Variants in NRXN1 observed in about 807,000 individuals in gnomAD.
NRXN1 encodes neurexin-1.
Under a neutral mutation model 150.9 loss-of-function variants are expected in NRXN1, and 39 were observed. The ratio of observed to expected loss-of-function variants is 0.26; its 90% CI spans 0.20 to 0.34. NRXN1 has a LOEUF of 0.34. Among genes scored for constraint, NRXN1 ranks in the 10% least tolerant of loss-of-function variants. NRXN1 has a pLI of 1.00. For synonymous variants in NRXN1, 924 were observed against 757.0 expected, an observed-to-expected ratio of 1.22 and a Z score of -3.62; for missense variants, 1,815 against 1,949.9, an observed-to-expected ratio of 0.93 and a Z score of 1.30.
At chr2:50,597,973 T>A (rs1377033736) in intron 8 of NRXN1, among the ~76,000 whole-genome samples, 1 of 151,980 alleles carries the variant, frequency 6.6e-6, no homozygotes, top group Non-Finnish European at 1.5e-5. Context: ...ACGTCATCTT[T>A]ACCAAAAATA....
intron 18 of NRXN1, among the ~76,000 whole-genome samples, chr2:50,134,374 C>T (rs964976323): frequency 3.3e-5 from 5 of 151,748 alleles, no homozygotes; most frequent in Non-Finnish European, 7.4e-5. Flanking sequence ...TCTGCAGAAC[C>T]TATTCAAGAA....
At chr2:50,161,809 G>C (rs1004617095) in intron 18 of NRXN1, among the ~76,000 whole-genome samples, 8 of 152,152 alleles carry the variant, frequency 5.3e-5, no homozygotes, top group African/African-American at 1.7e-4. Flanking sequence ...CCATGTTGAA[G>C]TTGCTCAGTA....
At chr2:50,761,501 C>CTCCCAGCCATGTGGAATTGTGAGGT (rs1701800259) in intron 5 of NRXN1, among the ~76,000 whole-genome samples, 1 of 151,940 alleles carries the variant, frequency 6.6e-6, no homozygotes, top group African/African-American at 2.4e-5. Flanking sequence ...GATTGTGAGG[C>CTCCCAGCCATGTGGAATTGTGAGGT]CTCCCAGCCA....
At chr2:50,195,374 T>A (rs1375698221) in intron 18 of NRXN1, among the ~76,000 whole-genome samples, 1 of 152,162 alleles carries the variant, frequency 6.6e-6, no homozygotes, top group Admixed American at 6.6e-5. Flanking sequence ...TCTTTACTCA[T>A]GATCTCACAA....
At chr2:50,716,934 T>C (rs1574222716) in intron 5 of NRXN1, among the ~76,000 whole-genome samples, 1 of 152,320 alleles carries the variant, frequency 6.6e-6, no homozygotes, top group African/African-American at 2.4e-5. Context: ...TTCATTCATT[T>C]ATTCATTATG....
chr2:50,848,267 T>C (rs1214204261), intron 5 of NRXN1, among the ~76,000 whole-genome samples: 1 of 152,124 alleles, frequency 6.6e-6, no homozygotes, highest in Non-Finnish European at 1.5e-5. Flanking sequence ...CAAGGGAATC[T>C]TTCCCATTTC....
At chr2:50,848,242 G>A (rs1673982650) in intron 5 of NRXN1, among the ~76,000 whole-genome samples, 1 of 152,112 alleles carries the variant, frequency 6.6e-6, no homozygotes, top group African/African-American at 2.4e-5. Flanking sequence ...CCCATCGCAC[G>A]CCCTGCGAGG....
intron 2 of NRXN1, among the ~76,000 whole-genome samples, chr2:51,001,243 G>GA (rs1700033723): frequency 7.5e-6 from 1 of 133,310 alleles, no homozygotes; most frequent in African/African-American, 2.7e-5. Context: ...TTGGGGGGGG[G>GA]GGGCGTTTGT....
chr2:50,507,125 T>A (rs566921977), intron 12 of NRXN1, among the ~76,000 whole-genome samples: 2 of 152,312 alleles, frequency 1.3e-5, no homozygotes, highest in African/African-American at 4.8e-5. Context: ...CAGTAGACTC[T>A]GGGAGAAGGT....
intron 5 of NRXN1, among the ~76,000 whole-genome samples, chr2:50,664,920 T>TA (rs959559377): frequency 2.4e-4 from 37 of 152,020 alleles, no homozygotes; most frequent in East Asian, 1.8e-3. Context: ...TCCTTCAAAT[T>TA]AAAAAAAATC....
intron 16 of NRXN1, among the ~76,000 whole-genome samples, chr2:50,470,667 C>T (rs2089371400): frequency 6.6e-6 from 1 of 151,716 alleles, no homozygotes; most frequent in Non-Finnish European, 1.5e-5. Context: ...CATCCTCATC[C>T]TCATAAATCT....
chr2:50,899,533 G>A (rs1305371310), intron 5 of NRXN1, among the ~76,000 whole-genome samples: 1 of 152,074 alleles, frequency 6.6e-6, no homozygotes, highest in Non-Finnish European at 1.5e-5. Flanking sequence ...CTGTATAAGG[G>A]TAACCCTGTG....
At chr2:50,050,421 T>C (rs1395865496) in intron 21 of NRXN1, among the ~76,000 whole-genome samples, 1 of 152,048 alleles carries the variant, frequency 6.6e-6, no homozygotes, top group Non-Finnish European at 1.5e-5. Flanking sequence ...TACATTGCCA[T>C]TGTAGCTTAA....
chr2:50,684,121 A>G (rs1415296142), intron 5 of NRXN1, among the ~76,000 whole-genome samples: 1 of 152,172 alleles, frequency 6.6e-6, no homozygotes, highest in Non-Finnish European at 1.5e-5. Context: ...TTACTAAACT[A>G]GATTAACACT....
chr2:50,627,880 T>C (rs1681453467), intron 5 of NRXN1, among the ~76,000 whole-genome samples: 1 of 151,412 alleles, frequency 6.6e-6, no homozygotes, highest in South Asian at 2.1e-4. Flanking sequence ...CCACAACACC[T>C]GTGTGTCAGA....
At chr2:50,179,066 A>G (rs1328639691) in intron 18 of NRXN1, among the ~76,000 whole-genome samples, 1 of 152,196 alleles carries the variant, frequency 6.6e-6, no homozygotes, top group Non-Finnish European at 1.5e-5. Flanking sequence ...GGAGCAAAAC[A>G]CTTTGTCATC....
At chr2:50,241,227 A>AAT (rs1031126652) in intron 17 of NRXN1, among the ~76,000 whole-genome samples, 28 of 151,652 alleles carry the variant, frequency 1.8e-4, no homozygotes, top group African/African-American at 6.5e-4. Context: ...GCAAAAAAAA[A>AAT]AATCACTTGA....
At position 49,921,788 on chromosome 2, in the gene NRXN1, T is replaced by G. The variant is rs201135496; in HGVS notation, c.*156A>C. 9.5e-5 allele frequency: 72 copies of G among 759,108 alleles called. No individual in the cohort carries two copies. Among genetic ancestry groups the G allele is most frequent in the Non-Finnish European group, 1.4e-4 (69 of 484,982 alleles). 47.0% of individuals were successfully genotyped at this position (759,108 alleles called of 1,614,324 possible). On this transcript the variant is annotated 3_prime_UTR_variant, in exon 23 of 23. Coordinates refer to ENST00000401669, the MANE Select transcript of NRXN1 (RefSeq NM_001330078.2). ...TTTTTTGAGAAACAAGAGCATGAGA[T>G]ACTTGTTTTTATTTTTTAAAAAGTC...
intron 17 of NRXN1, among the ~76,000 whole-genome samples, chr2:50,457,143 T>C (rs1162622056): frequency 6.6e-6 from 1 of 152,098 alleles, no homozygotes; most frequent in Non-Finnish European, 1.5e-5. Context: ...ATAACAGAGC[T>C]GGAAGTTAAT....
Sources: gnomAD v4.1 joint callset for allele counts (sites outside exome capture counted in the v4.1 genomes callset) on GRCh38, gnomAD v4.1.1 for gene constraint, MANE v1.5 for transcripts, NCBI Gene and HGNC (gene_info 2026-07-23, HGNC 2026-07-21) for gene names.